Variants in NAA11 observed in about 807,000 individuals in gnomAD.
The protein encoded by NAA11 is N-alpha-acetyltransferase 11, NatA catalytic subunit.
A neutral mutation model predicts 16.1 loss-of-function variants in NAA11; 15 were observed. The observed-to-expected ratio is 0.93, with a 90% confidence interval of 0.62 to 1.44. NAA11 has a LOEUF of 1.44. NAA11 is among the 40% of genes most tolerant of loss of function. The pLI, the probability that NAA11 is intolerant of heterozygous loss-of-function variation, is 0.00. For missense variants in NAA11, 298 were observed against 291.3 expected (o/e 1.02, Z -0.17); for synonymous variants, 122 against 112.4 (o/e 1.09, Z -0.54).
chr4:79,291,288 C>A (rs1216880803), intron 2 of NAA11, among the ~76,000 whole-genome samples: 1 of 132,060 alleles, frequency 7.6e-6, no homozygotes, highest in Non-Finnish European at 1.7e-5. Context: ...ATATTGAGAT[C>A]CTGTCTCTAC....
chr4:79,183,186 T>C, the NAA11 span, among the ~76,000 whole-genome samples: 2 of 152,152 alleles, frequency 1.3e-5, no homozygotes, highest in Non-Finnish European at 2.9e-5. Context: ...AGTTTAAATC[T>C]GTGGGAGGTT....
chr4:79,275,346 G>A (rs1722623831), intron 2 of NAA11, among the ~76,000 whole-genome samples: 1 of 152,018 alleles, frequency 6.6e-6, no homozygotes, highest in Admixed American at 6.6e-5. Flanking sequence ...TGCCAAAGAA[G>A]ATAAATAGTT....
chr4:79,164,551 G>C, the NAA11 span, among the ~76,000 whole-genome samples: 1 of 152,158 alleles, frequency 6.6e-6, no homozygotes, highest in African/African-American at 2.4e-5. Flanking sequence ...ATCTAGAAAT[G>C]TGATAAAGAA....
At chr4:79,297,183 C>G (rs1264649458) in intron 1 of NAA11, among the ~76,000 whole-genome samples, 1 of 152,192 alleles carries the variant, frequency 6.6e-6, no homozygotes, top group African/African-American at 2.4e-5. Flanking sequence ...GGAGGCAGAA[C>G]TGGCCCCGGA....
At chr4:79,236,193 A>C (rs1303384314) in intron 2 of NAA11, among the ~76,000 whole-genome samples, 1 of 152,170 alleles carries the variant, frequency 6.6e-6, no homozygotes, top group Non-Finnish European at 1.5e-5. Flanking sequence ...CAAAGTATTG[A>C]CAAAATTACA....
downstream of NAA11, among the ~76,000 whole-genome samples, chr4:79,312,206 C>T (rs1723790303): frequency 3.9e-5 from 6 of 152,166 alleles, no homozygotes. Flanking sequence ...TATTATTTAA[C>T]AAACAGTCAA....
chr4:79,166,399 TG>T, the NAA11 span, among the ~76,000 whole-genome samples: 1 of 151,760 alleles, frequency 6.6e-6, no homozygotes, highest in Non-Finnish European at 1.5e-5. Flanking sequence ...ATGTGGGGGC[TG>T]GAGTGTAGTG....
chr4:79,189,059 C>A, the NAA11 span, among the ~76,000 whole-genome samples: 3 of 144,842 alleles, frequency 2.1e-5, no homozygotes, highest in African/African-American at 7.5e-5. Context: ...GGCAGGAGAA[C>A]CGCGTGAACC....
At chr4:79,188,664 C>T in the NAA11 span, among the ~76,000 whole-genome samples, 18 of 151,970 alleles carry the variant, frequency 1.2e-4, no homozygotes, top group Non-Finnish European at 1.5e-4. Context: ...TTTTACACTT[C>T]GGAGATATAA....
chr4:79,277,656 C>T (rs1314232093), intron 2 of NAA11, among the ~76,000 whole-genome samples: 1 of 152,048 alleles, frequency 6.6e-6, no homozygotes, highest in East Asian at 1.9e-4. Context: ...CAATCACCTG[C>T]TCCACCCTAA....
In NAA11 at chr4:79,269,782, C is replaced by T. The variant is rs1420618338; in HGVS notation, c.*122+24223G>A. ...TTGGACATGAAGTCCTTGCCCATGC[C>T]TATGTCCTGAATGGTAATGCCTAGG... On this transcript the variant is annotated intron_variant and NMD_transcript_variant, in intron 2 of 2. Coordinates refer to the NAA11 transcript ENST00000511542. Among the ~76,000 whole-genome samples the T allele has an allele frequency of 6.3e-3, 882 of 139,342 alleles. 15 individuals carry two copies. The highest frequency in any genetic ancestry group is 0.023 in the African/African-American group (830 of 36,624). 91.4% of individuals were successfully genotyped at this position (139,342 alleles called of 152,430 possible).
chr4:79,168,454 C>A, the NAA11 span, among the ~76,000 whole-genome samples: 1 of 152,180 alleles, frequency 6.6e-6, no homozygotes, highest in Non-Finnish European at 1.5e-5. Flanking sequence ...ACACTGTCTT[C>A]CACAATGGTT....
In NAA11 at chr4:79,259,559, C is replaced by T. The variant is rs1396414494; in HGVS notation, c.*123-33289G>A. On this transcript the variant is annotated intron_variant and NMD_transcript_variant, in intron 2 of 2. Transcript: ENST00000511542. ...TGGGATCCAGACTGGTAGCATGAGC[C>T]GAATGCAGCCTGCCAGGCCAAGTGG... Among the ~76,000 whole-genome samples, 5 of 152,190 alleles carry T rather than the reference C, an allele frequency of 3.3e-5. No homozygotes were observed. The South Asian group carries it at 6.2e-4, about 19-fold the overall frequency.
At chr4:79,300,643 T>C (rs746753338) in intron 1 of NAA11, among the ~76,000 whole-genome samples, 6 of 152,118 alleles carry the variant, frequency 3.9e-5, no homozygotes, top group Non-Finnish European at 8.8e-5. Context: ...TGATATGAAG[T>C]AGAGTGAGCG....
At chr4:79,190,456 C>G in the NAA11 span, among the ~76,000 whole-genome samples, 6 of 142,644 alleles carry the variant, frequency 4.2e-5, no homozygotes, top group African/African-American at 1.6e-4. Context: ...TTGTCTCTCC[C>G]TTTTTTTTTT....
chr4:79,325,937 C>T lies in NAA11; in HGVS notation c.-60G>A, dbSNP rs892987589. ...TGAACCCAGAAGAGGCTGTCGCCGA[C>T]CTTAAGGGGCACTGTTTGCCTCAGG... On this transcript the variant is annotated 5_prime_UTR_variant, in exon 1 of 2. Coordinates refer to ENST00000286794, the MANE Select transcript of NAA11 (RefSeq NM_032693.3). 3.4e-6 allele frequency: 5 copies of T among 1,454,614 alleles called. No individual in the cohort carries two copies. In the African/African-American group the frequency reaches 7.0e-5, roughly 20 times the overall value. The allele number at this position is 1,454,614 out of a possible 1,614,324, so 90.1% of individuals were successfully genotyped here. A position where few individuals can be genotyped will look rare whatever the true frequency, so the allele number is the denominator to read the frequency against.
chr4:79,301,802 G>A (rs1723393750), intron 1 of NAA11, among the ~76,000 whole-genome samples: 1 of 152,062 alleles, frequency 6.6e-6, no homozygotes, highest in Non-Finnish European at 1.5e-5. Context: ...ATTTAACTTT[G>A]CAGGGCAAAG....
chr4:79,209,305 G>A, the NAA11 span, among the ~76,000 whole-genome samples: 1 of 152,192 alleles, frequency 6.6e-6, no homozygotes, highest in Non-Finnish European at 1.5e-5. Flanking sequence ...TGAAGCATTT[G>A]AAGTGGGTGA....
intron 2 of NAA11, among the ~76,000 whole-genome samples, chr4:79,247,813 G>A (rs1721875959): frequency 6.6e-6 from 1 of 152,130 alleles, no homozygotes; most frequent in African/African-American, 2.4e-5. Context: ...TCTCACCACT[G>A]GTCTCAGGAA....
Sources: allele counts gnomAD v4.1 joint callset (sites outside exome capture counted in the v4.1 genomes callset), GRCh38; gene constraint gnomAD v4.1.1; transcripts MANE v1.5; gene names NCBI Gene and HGNC (gene_info 2026-07-23, HGNC 2026-07-21).